Variants in PLGRKT observed in about 807,000 individuals in gnomAD.
The protein encoded by PLGRKT is plasminogen receptor (KT).
A neutral mutation model predicts 18.5 loss-of-function variants in PLGRKT; 22 were observed. The observed-to-expected ratio is 1.19, with a 90% CI of 0.85 to 1.70. The LOEUF (loss-of-function observed/expected upper bound fraction) is 1.70, where lower values mean the gene tolerates loss of function less well. Ranked by LOEUF, PLGRKT falls within the 40% of genes most tolerant of loss-of-function variation. The pLI, the probability that PLGRKT is intolerant of heterozygous loss-of-function variation, is 0.00. For missense variants in PLGRKT, 235 were observed against 174.4 expected (o/e 1.35, Z -1.96); for synonymous variants, 72 against 52.8 (o/e 1.36, Z -1.58).
At chr9:5,411,366 C>T (rs1818361079) in intron 3 of PLGRKT, among the ~76,000 whole-genome samples, 1 of 129,418 alleles carries the variant, frequency 7.7e-6, no homozygotes, top group African/African-American at 3.0e-5. Context: ...GCCTGGGAGA[C>T]AGAGCAAGAC....
Position 5,418,789 on chromosome 9 carries a change from A to G in PLGRKT, c.81+13108T>C. ...GTCGTCGAGGAGCTGCGACACGGAG[A>G]AGTCAGGGGGCAGCTTGGTGACACC... On this transcript the variant is annotated intron_variant, in intron 3 of 5. Coordinates refer to ENST00000223864, the MANE Select transcript of PLGRKT (RefSeq NM_018465.4). This position sits in a 1 kb window ranked among gnomAD's most constrained non-coding sequence, Gnocchi z 4.2. The G allele has an allele frequency of 1.2e-6, 1 of 825,382 alleles. No homozygotes were observed. Among genetic ancestry groups the G allele is most frequent in the Non-Finnish European group, 2.0e-6 (1 of 490,150 alleles). 51.1% of individuals were successfully genotyped at this position (825,382 alleles called of 1,614,324 possible).
intron 3 of PLGRKT, among the ~76,000 whole-genome samples, chr9:5,422,980 T>C (rs534338386): frequency 1.3e-5 from 2 of 152,232 alleles, no homozygotes; most frequent in African/African-American, 2.4e-5. Context: ...ATTTTCTTAA[T>C]ATTTGCACGT....
intron 3 of PLGRKT, among the ~76,000 whole-genome samples, chr9:5,401,384 G>C (rs1818151320): frequency 1.3e-5 from 2 of 151,862 alleles, no homozygotes; most frequent in Non-Finnish European, 2.9e-5. Context: ...ATTTTGTTTT[G>C]CATGGCATTT....
At position 5,361,777 on chromosome 9, in the gene PLGRKT, C is replaced by T. The variant is rs1662178636; in HGVS notation, c.193G>A (p.Ala65Thr). The change falls in exon 4 of 6, where the codon GCC (alanine) becomes ACC (threonine). Residue 65 changes from alanine to threonine, a missense_variant. Transcript: ENST00000223864. The part of the protein sequence containing the change: ...KYFGTFFGLA[A>T]ISLTAGAIKK... ...ACATACCCAGCTGTTAAAGAGATGG[C>T]TGCAAGGCCAAAAAAAGTTCCAAAA... 1.2e-6 allele frequency: 2 copies of T among 1,612,224 alleles called. No individual in the cohort carries two copies. Among genetic ancestry groups the T allele is most frequent in the South Asian group, 2.2e-5 (2 of 90,438 alleles).
At position 5,367,031 on chromosome 9, in the gene PLGRKT, A is replaced by ACG. The variant is rs1491373798; in HGVS notation, c.82-5144_82-5143insCG. Among the ~76,000 whole-genome samples, 15 of 3,392 alleles carry ACG rather than the reference A, an allele frequency of 4.4e-3. No individual in the cohort carries two copies. In the South Asian group the frequency reaches 0.087, roughly 20 times the overall value. The allele number at this position is 3,392 out of a possible 152,430, so 2.2% of individuals were successfully genotyped here. On this transcript the variant is annotated intron_variant, in intron 3 of 5. Transcript: ENST00000223864. Reference sequence around the variant, plus strand: ...AACAGACAGACAGATACACACACATACACACACACACACACACACACACAC... The same window carrying ACG: ...AACAGACAGACAGATACACACACATACGCACACACACACACACACACACACAC...
At chr9:5,399,767 T>C (rs1454442721) in intron 3 of PLGRKT, among the ~76,000 whole-genome samples, 1 of 151,686 alleles carries the variant, frequency 6.6e-6, no homozygotes, top group Non-Finnish European at 1.5e-5. Context: ...GGTGGGTGGA[T>C]TCACTGGAAG....
intron 3 of PLGRKT, among the ~76,000 whole-genome samples, chr9:5,389,444 C>G (rs989190847): frequency 6.6e-6 from 1 of 151,802 alleles, no homozygotes; most frequent in Non-Finnish European, 1.5e-5. Flanking sequence ...GCTGATAGTG[C>G]CAGGTCAGCC....
intron 3 of PLGRKT, among the ~76,000 whole-genome samples, chr9:5,410,254 G>A (rs1403313286): frequency 2.0e-5 from 3 of 152,088 alleles, no homozygotes; most frequent in African/African-American, 7.2e-5. Context: ...TAACAGAAGT[G>A]GGTGGGCACA....
chr9:5,382,642 G>A (rs141266267), intron 3 of PLGRKT, among the ~76,000 whole-genome samples: 3 of 152,334 alleles, frequency 2.0e-5, no homozygotes, highest in East Asian at 1.9e-4. Flanking sequence ...AGACTTCGTG[G>A]GGAGCCACAA....
At position 5,431,819 on chromosome 9, in the gene PLGRKT, G is replaced by C. The variant is rs777711273; in HGVS notation, c.81+78C>G. Reference sequence around the variant, plus strand: ...ACATTTTATTGTTGGGAGTCAAAGAGAATGTACGGCTGGAGTACATGTGGT... The same window carrying C: ...ACATTTTATTGTTGGGAGTCAAAGACAATGTACGGCTGGAGTACATGTGGT... On this transcript the variant is annotated intron_variant, in intron 3 of 5. Coordinates refer to ENST00000223864, the MANE Select transcript of PLGRKT (RefSeq NM_018465.4). The C allele has an allele frequency of 1.8e-5, 13 of 709,314 alleles. No homozygotes were observed. In the Middle Eastern group the frequency reaches 1.0e-3, roughly 54 times the overall value. The allele number at this position is 709,314 out of a possible 1,614,324, so 43.9% of individuals were successfully genotyped here. A position where few individuals can be genotyped will look rare whatever the true frequency, so the allele number is the denominator to read the frequency against.
chr9:5,401,320 T>C (rs1303892921), intron 3 of PLGRKT, among the ~76,000 whole-genome samples: 3 of 151,994 alleles, frequency 2.0e-5, no homozygotes, highest in Non-Finnish European at 2.9e-5. Context: ...GATTAGGTTA[T>C]GCTTTTCTAG....
intron 3 of PLGRKT, among the ~76,000 whole-genome samples, chr9:5,402,517 G>A (rs1376767781): frequency 1.3e-5 from 2 of 151,940 alleles, no homozygotes; most frequent in Non-Finnish European, 2.9e-5. Flanking sequence ...CTACCCTCCA[G>A]ACTCCTGCTG....
rs1818667154 is a variant in PLGRKT at position 5,424,907 on chromosome 9, A to C, written c.81+6990T>G. Among the ~76,000 whole-genome samples, 4 of 151,722 alleles carry C rather than the reference A, an allele frequency of 2.6e-5. No individual in the cohort carries two copies. In the South Asian group the frequency reaches 8.3e-4, roughly 31 times the overall value. On this transcript the variant is annotated intron_variant, in intron 3 of 5. Transcript: ENST00000223864. The stretch of plus-strand genomic sequence containing the variant: ...ATTATAGGCGTGAGCTACCCCACCC[A>C]GCCTATACATATTAATATTAAATAA...
At chr9:5,382,760 G>A (rs1171731260) in intron 3 of PLGRKT, among the ~76,000 whole-genome samples, 1 of 152,208 alleles carries the variant, frequency 6.6e-6, no homozygotes. Context: ...AGACCCACTA[G>A]GGAAGTGTCC....
chr9:5,396,675 G>A (rs1818055731), intron 3 of PLGRKT, among the ~76,000 whole-genome samples: 1 of 151,930 alleles, frequency 6.6e-6, no homozygotes, highest in Non-Finnish European at 1.5e-5. Flanking sequence ...TTTATATCCA[G>A]AAGGCATTTA....
At chr9:5,382,065 C>T (rs934825053) in intron 3 of PLGRKT, 3 of 938,920 alleles carry the variant, frequency 3.2e-6, no homozygotes, top group African/African-American at 3.6e-5. Context: ...TCACAACTTT[C>T]CTGTTTTATT....
At chr9:5,426,457 G>T (rs1023143725) in intron 3 of PLGRKT, among the ~76,000 whole-genome samples, 1 of 152,104 alleles carries the variant, frequency 6.6e-6, no homozygotes, top group Non-Finnish European at 1.5e-5. Context: ...TGTAGATGAG[G>T]ATGTTTCTCT....
intron 3 of PLGRKT, among the ~76,000 whole-genome samples, chr9:5,406,034 A>T (rs143390099): frequency 6.6e-5 from 10 of 152,354 alleles, no homozygotes; most frequent in Non-Finnish European, 1.3e-4. Context: ...ATCACTAGAG[A>T]AATGCAAATC....
intron 3 of PLGRKT, among the ~76,000 whole-genome samples, chr9:5,415,086 G>A (rs1051849171): frequency 2.0e-5 from 3 of 152,176 alleles, no homozygotes; most frequent in Non-Finnish European, 2.9e-5. Flanking sequence ...AGGACTCCAT[G>A]AAGAAGTCAT....
Sources: gnomAD v4.1 joint callset for allele counts (sites outside exome capture counted in the v4.1 genomes callset) on GRCh38, gnomAD v4.1.1 for gene constraint, Gnocchi (gnomAD v3.1) non-coding constraint, MANE v1.5 for transcripts, NCBI Gene and HGNC (gene_info 2026-07-23, HGNC 2026-07-21) for gene names.